The following DENND2B variants were observed in gnomAD, a reference collection of about 807,000 sequenced individuals.
The protein encoded by DENND2B is DENN domain containing 2B.
A neutral mutation model predicts 116.0 loss-of-function variants in DENND2B; 32 were observed. That is an observed-to-expected ratio of 0.28 (90% CI 0.21 to 0.37). The LOEUF (loss-of-function observed/expected upper bound fraction) is 0.37. DENND2B is among the 10% of genes least tolerant of loss of function. DENND2B has a pLI of 1.00. For synonymous variants in DENND2B, 588 were observed against 583.9 expected, an observed-to-expected ratio of 1.01 and a Z score of -0.10; for missense variants, 1,276 against 1,477.7, an observed-to-expected ratio of 0.86 and a Z score of 2.24.
intron 2 of DENND2B, among the ~76,000 whole-genome samples, chr11:8,866,160 C>T (rs2063571935): frequency 6.6e-6 from 1 of 152,144 alleles, no homozygotes; most frequent in South Asian, 2.1e-4. Context: ...GGGGTTTCAC[C>T]GTGTTAGCCA....
intron 3 of DENND2B, among the ~76,000 whole-genome samples, chr11:8,727,744 T>C (rs958924183): frequency 6.6e-6 from 1 of 152,140 alleles, no homozygotes; most frequent in South Asian, 2.1e-4. Flanking sequence ...TTCTTTGGCA[T>C]ATACAGTAGA....
intron 1 of DENND2B, among the ~76,000 whole-genome samples, chr11:8,882,115 C>T (rs2063910010): frequency 6.6e-6 from 1 of 152,114 alleles, no homozygotes. Flanking sequence ...TCCGACTTCT[C>T]TCTTTTAATT....
chr11:8,755,855 C>T (rs1282338894), intron 1 of DENND2B, among the ~76,000 whole-genome samples: 2 of 152,150 alleles, frequency 1.3e-5, no homozygotes, highest in Admixed American at 1.3e-4. Context: ...ATGATAAAGT[C>T]AATCTTGCCC....
chr11:8,751,737 TAAAC>T (rs1335841929), intron 1 of DENND2B, among the ~76,000 whole-genome samples: 24 of 152,042 alleles, frequency 1.6e-4, no homozygotes, highest in East Asian at 5.8e-4. Flanking sequence ...GAAAACAAAA[TAAAC>T]AAAGAAGCCC....
chr11:8,814,843 C>G (rs1030477995), upstream of DENND2B, among the ~76,000 whole-genome samples: 1 of 152,202 alleles, frequency 6.6e-6, no homozygotes, highest in African/African-American at 2.4e-5. Flanking sequence ...TCCTGTCCGA[C>G]AGGAAGAAGA....
chr11:8,722,349 T>A (rs184764244), intron 4 of DENND2B, among the ~76,000 whole-genome samples: 1 of 152,188 alleles, frequency 6.6e-6, no homozygotes, highest in Admixed American at 6.5e-5. Flanking sequence ...AAGATGGAGA[T>A]GAGCACTAGG....
At chr11:8,798,681 C>T (rs1018164768) in intron 1 of DENND2B, among the ~76,000 whole-genome samples, 17 of 152,156 alleles carry the variant, frequency 1.1e-4, no homozygotes, top group African/African-American at 3.6e-4. Context: ...GCAGAATAGG[C>T]ACCTACATCT....
chr11:8,887,675 T>G (rs2063977313), intron 1 of DENND2B, among the ~76,000 whole-genome samples: 1 of 152,164 alleles, frequency 6.6e-6, no homozygotes, highest in Non-Finnish European at 1.5e-5. Context: ...ACTAGAAGGA[T>G]CCTCTGCCCC....
At position 8,695,503 on chromosome 11, in the gene DENND2B, G is replaced by A; in HGVS notation, c.3339C>T (p.Asp1113=). Reference sequence around the variant, plus strand: ...ACTTATTCATTCCACTCTGCTCAGTGTCTGGGAGTTCTTCTAAGTACTGCT... The same window carrying A: ...ACTTATTCATTCCACTCTGCTCAGTATCTGGGAGTTCTTCTAAGTACTGCT... ...RVEQYLEELP[D]TEQSGMNKFL... is the part of the protein sequence containing the mutation. The change falls in exon 19 of 20, where the codon GAC becomes GAT. Residue 1113 remains aspartate (D), a synonymous_variant. Transcript: ENST00000313726. 6.2e-7 allele frequency: 1 copy of A among 1,613,948 alleles called. No individual in the cohort carries two copies. The highest frequency in any genetic ancestry group is 8.5e-7 in the Non-Finnish European group (1 of 1,180,028).
chr11:8,733,581 T>C (rs1285733296), intron 2 of DENND2B, among the ~76,000 whole-genome samples: 2 of 152,172 alleles, frequency 1.3e-5, no homozygotes, highest in African/African-American at 4.8e-5. Context: ...TTTTAAACTA[T>C]ACATGCCTCA....
At chr11:8,789,406 A>G (rs904678384) in intron 1 of DENND2B, among the ~76,000 whole-genome samples, 1 of 152,242 alleles carries the variant, frequency 6.6e-6, no homozygotes, top group African/African-American at 2.4e-5. Flanking sequence ...GGTCACACAC[A>G]GATTACCTGC....
intron 3 of DENND2B, among the ~76,000 whole-genome samples, chr11:8,841,435 T>G (rs1388451131): frequency 6.6e-6 from 1 of 152,032 alleles, no homozygotes; most frequent in Non-Finnish European, 1.5e-5. Flanking sequence ...GCTCAGGAGT[T>G]CGAGACCAGC....
intron 4 of DENND2B, among the ~76,000 whole-genome samples, chr11:8,834,576 T>A (rs184508814): frequency 3.3e-4 from 51 of 152,344 alleles, no homozygotes; most frequent in African/African-American, 1.2e-3. Context: ...AAGTTAGGCA[T>A]GGCACATTCC....
At chr11:8,884,904 C>G (rs570215510) in intron 1 of DENND2B, among the ~76,000 whole-genome samples, 4 of 152,194 alleles carry the variant, frequency 2.6e-5, no homozygotes, top group Non-Finnish European at 5.9e-5. Context: ...AAGTCTGAAA[C>G]CTTGTAAAGA....
chr11:8,907,927 C>T (rs2064259816), intron 1 of DENND2B, among the ~76,000 whole-genome samples: 1 of 152,132 alleles, frequency 6.6e-6, no homozygotes, highest in African/African-American at 2.4e-5. Context: ...CTGTCAAACT[C>T]CTGGCCTCAA....
chr11:8,814,075 C>T (rs2061486582), upstream of DENND2B, among the ~76,000 whole-genome samples: 1 of 152,120 alleles, frequency 6.6e-6, no homozygotes, highest in Non-Finnish European at 1.5e-5. Flanking sequence ...CTCAACTCTC[C>T]CTTCTTATTT....
At chr11:8,703,672 G>A (rs1169714100) in intron 13 of DENND2B, 5 of 152,262 alleles carry the variant, frequency 3.3e-5, no homozygotes. Context: ...TGCTTTACAA[G>A]GAGTTTTTAT....
intron 3 of DENND2B, among the ~76,000 whole-genome samples, chr11:8,848,225 A>G (rs1382376217): frequency 2.0e-5 from 3 of 152,238 alleles, no homozygotes; most frequent in African/African-American, 7.2e-5. Flanking sequence ...TGAAAAAGAA[A>G]TATCTCTTAG....
intron 1 of DENND2B, among the ~76,000 whole-genome samples, chr11:8,781,018 G>A (rs16905828): frequency 0.042 from 6,397 of 152,168 alleles, 410 homozygotes; most frequent in African/African-American, 0.14. Context: ...CAGGAGACCA[G>A]GGAAGGGAAG....
Sources: gnomAD v4.1 joint callset for allele counts (sites outside exome capture counted in the v4.1 genomes callset) on GRCh38, gnomAD v4.1.1 for gene constraint, MANE v1.5 for transcripts, NCBI Gene and HGNC (gene_info 2026-07-23, HGNC 2026-07-21) for gene names.